ATG4C: variants seen among roughly 807,000 people sequenced by gnomAD.
ATG4C encodes the protein cysteine protease ATG4C.
In ATG4C, 56 loss-of-function variants were observed where a neutral mutation model predicts 57.6. The observed-to-expected ratio is 0.97, with a 90% CI of 0.78 to 1.21. The LOEUF is 1.21. Among genes scored for constraint, ATG4C ranks in the 50% most tolerant of loss-of-function variants. The pLI is 0.00. For missense variants in ATG4C, 595 were observed against 529.8 expected (o/e 1.12, Z -1.21); for synonymous variants, 157 against 174.1 (o/e 0.90, Z 0.78).
chr1:62,816,236 A>G (rs539135958), intron 3 of ATG4C, among the ~76,000 whole-genome samples: 1 of 152,186 alleles, frequency 6.6e-6, no homozygotes, highest in South Asian at 2.1e-4. Context: ...GTTTCCAGTG[A>G]GAAATCTAAT....
chr1:62,795,846 AAAG>A (rs1429276237), intron 1 of ATG4C, among the ~76,000 whole-genome samples: 20 of 152,094 alleles, frequency 1.3e-4, no homozygotes, highest in African/African-American at 2.7e-4. Context: ...AAAAAAAAAA[AAAG>A]AAGAGAAGAT....
At chr1:62,841,996 T>C (rs1453760469) in intron 10 of ATG4C, among the ~76,000 whole-genome samples, 4 of 152,184 alleles carry the variant, frequency 2.6e-5, no homozygotes, top group Non-Finnish European at 4.4e-5. Context: ...CAGAACTGCT[T>C]TATCAAATGA....
chr1:62,786,258 A>G (rs1664078875), intron 1 of ATG4C, among the ~76,000 whole-genome samples: 1 of 152,214 alleles, frequency 6.6e-6, no homozygotes, highest in African/African-American at 2.4e-5. Context: ...GCAGCTATTC[A>G]TACCAGACAC....
Position 62,816,617 on chromosome 1 carries a change from A to G in ATG4C, c.203A>G (p.Glu68Gly). 2 of 1,613,730 alleles carry G rather than the reference A, an allele frequency of 1.2e-6. No individual in the cohort carries two copies. The highest frequency in any genetic ancestry group is 1.7e-6 in the Non-Finnish European group (2 of 1,179,788). Residue 68 changes from glutamate (E) to glycine (G), a missense_variant, in exon 4 of 11, where the codon GAG (glutamate) becomes GGG (glycine). By Grantham distance (98) the Glu-to-Gly change is moderately conservative. Transcript: ENST00000317868. ...TLPAESGCTI[E>G]DHVIAGNVEE... ...CCTGCAGAGTCGGGATGTACAATAG[A>G]GGATCACGTAATTGCAGGAAATGTA... is the stretch of plus-strand genomic sequence containing the variant.
rs1666916486 is a variant in ATG4C, at chr1:62,863,565, G to A, written c.1210-427G>A. Among the ~76,000 whole-genome samples the A allele has an allele frequency of 4.6e-5, 7 of 151,938 alleles. No individual in the cohort carries two copies. The South Asian group carries it at 1.5e-3, about 31-fold the overall frequency. On this transcript the variant is annotated intron_variant, in intron 10 of 10. Coordinates refer to ENST00000317868, the MANE Select transcript of ATG4C (RefSeq NM_032852.4). The stretch of plus-strand genomic sequence containing the variant: ...TAGTTACAAAACAGAGATTAGAATG[G>A]ACCTTCTGACTCAGTTTACTGCCTA...
chr1:62,858,722 T>G (rs994438826), intron 10 of ATG4C, among the ~76,000 whole-genome samples: 6 of 152,130 alleles, frequency 3.9e-5, no homozygotes, highest in African/African-American at 1.4e-4. Flanking sequence ...GTAGAAATAA[T>G]AGGAACTAAT....
intron 10 of ATG4C, among the ~76,000 whole-genome samples, chr1:62,850,068 G>A (rs1666456146): frequency 6.6e-6 from 1 of 151,970 alleles, no homozygotes; most frequent in Non-Finnish European, 1.5e-5. Context: ...TTCATCCAAA[G>A]AAATTATGGT....
chr1:62,830,337 T>C (rs1050884103), intron 7 of ATG4C, among the ~76,000 whole-genome samples: 2 of 152,178 alleles, frequency 1.3e-5, no homozygotes, highest in Non-Finnish European at 2.9e-5. Context: ...TTGAGACTTC[T>C]GACATGTTGT....
chr1:62,793,538 G>A (rs1200632969), intron 1 of ATG4C, among the ~76,000 whole-genome samples: 1 of 140,946 alleles, frequency 7.1e-6, no homozygotes, highest in African/African-American at 2.6e-5. Context: ...CTTGAGCCTG[G>A]GAGATCAAGG....
At chr1:62,831,875 C>T (rs1665853361) in intron 7 of ATG4C, among the ~76,000 whole-genome samples, 1 of 152,182 alleles carries the variant, frequency 6.6e-6, no homozygotes, top group South Asian at 2.1e-4. Flanking sequence ...GTCTTTCTTC[C>T]GTTACTTAGA....
At position 62,836,253 on chromosome 1, in the gene ATG4C, A is replaced by C. The variant is rs181179666; in HGVS notation, c.1089+1401A>C. Among the ~76,000 whole-genome samples the C allele has an allele frequency of 2.8e-3, 422 of 152,242 alleles. 12 individuals are homozygous for C. The highest frequency in any genetic ancestry group is 5.8e-4 in the East Asian group (3 of 5,188). ...GGTTTGAAGTAGGCTGGTGATAGTG[A>C]AAATGGAAAGGAATAATTGATTTTA... On this transcript the variant is annotated intron_variant, in intron 9 of 10. Coordinates refer to ENST00000317868, the MANE Select transcript of ATG4C (RefSeq NM_032852.4).
intron 1 of ATG4C, among the ~76,000 whole-genome samples, chr1:62,797,254 TCTCA>T (rs1485993605): frequency 7.9e-5 from 12 of 152,030 alleles, no homozygotes; most frequent in East Asian, 1.9e-4. Context: ...CCCCTTTTTT[TCTCA>T]CTCAATGCCC....
intron 6 of ATG4C, among the ~76,000 whole-genome samples, chr1:62,827,411 A>G (rs1246893139): frequency 1.3e-5 from 2 of 152,018 alleles, no homozygotes; most frequent in Non-Finnish European, 2.9e-5. Context: ...TCTTGATTCA[A>G]ATATTACTTT....
intron 7 of ATG4C, among the ~76,000 whole-genome samples, chr1:62,833,483 CAAT>C (rs1201936800): frequency 3.9e-5 from 6 of 151,932 alleles, no homozygotes; most frequent in Non-Finnish European, 8.8e-5. Flanking sequence ...GCTTTAAATG[CAAT>C]AATTATTATT....
chr1:62,801,380 A>G (rs992078743), intron 1 of ATG4C, among the ~76,000 whole-genome samples: 9 of 152,230 alleles, frequency 5.9e-5, no homozygotes, highest in African/African-American at 1.4e-4. Flanking sequence ...GAATATATCT[A>G]GAGTGTAAAT....
chr1:62,850,508 A>T (rs918867681), intron 10 of ATG4C, among the ~76,000 whole-genome samples: 1 of 152,098 alleles, frequency 6.6e-6, no homozygotes. Flanking sequence ...ATATAAATGG[A>T]ATCTCTGCTT....
At chr1:62,825,913 CTT>C in intron 6 of ATG4C, among the ~76,000 whole-genome samples, 1 of 147,210 alleles carries the variant, frequency 6.8e-6, no homozygotes, top group African/African-American at 2.5e-5. Flanking sequence ...GAACTGATCA[CTT>C]TTTTTTTTTG....
At chr1:62,823,605 A>T (rs1185973141) in intron 6 of ATG4C, among the ~76,000 whole-genome samples, 1 of 152,070 alleles carries the variant, frequency 6.6e-6, no homozygotes, top group African/African-American at 2.4e-5. Context: ...CTGCCCATTA[A>T]CTCCTAGTCT....
intron 3 of ATG4C, among the ~76,000 whole-genome samples, chr1:62,810,485 C>G (rs374666376): frequency 6.6e-6 from 1 of 152,142 alleles, no homozygotes; most frequent in African/African-American, 2.4e-5. Flanking sequence ...AGACTTACGG[C>G]TTTTCACATT....
Sources: gnomAD v4.1 joint callset for allele counts (sites outside exome capture counted in the v4.1 genomes callset) on GRCh38, gnomAD v4.1.1 for gene constraint, MANE v1.5 for transcripts, NCBI Gene and HGNC (gene_info 2026-07-23, HGNC 2026-07-21) for gene names.